Variants in NBN observed in about 807,000 individuals in gnomAD.
NBN encodes nibrin.
Under a neutral mutation model 90.8 loss-of-function variants are expected in NBN, and 88 were observed. That is an observed-to-expected ratio of 0.97 (90% confidence interval 0.82 to 1.16). NBN has a LOEUF of 1.16. Ranked by LOEUF, NBN falls within the 50% of genes most tolerant of loss-of-function variation. The pLI is 0.00. For missense variants in NBN, 894 were observed against 869.6 expected (o/e 1.03, Z -0.35); for synonymous variants, 328 against 295.1 (o/e 1.11, Z -1.14).
chr8:89,960,468 T>C lies in NBN; in HGVS notation c.995-1614A>G, dbSNP rs377562328. 2.6e-5 allele frequency among the ~76,000 whole-genome samples: 4 copies of C among 152,178 alleles called. No individual in the cohort carries two copies. In the East Asian group the frequency reaches 7.7e-4, roughly 29 times the overall value. ...AGTTAAGAGACCAACCTGGTCAACA[T>C]AGTGAGACTTCATCTCAACAAAAAA... On this transcript the variant is annotated intron_variant, in intron 8 of 15. Coordinates refer to ENST00000265433, the MANE Select transcript of NBN (RefSeq NM_002485.5).
intron 5 of NBN, 26 bp downstream of exon 5, chr8:89,978,194 T>C (rs541669441): frequency 2.6e-6 from 4 of 1,567,752 alleles, no homozygotes; most frequent in African/African-American, 2.7e-5. Flanking sequence ...AGTGACATCT[T>C]GTTATATTTA....
intron 14 of NBN, among the ~76,000 whole-genome samples, chr8:89,938,978 T>C (rs1224126146): frequency 6.6e-6 from 1 of 152,150 alleles, no homozygotes; most frequent in African/African-American, 2.4e-5. Flanking sequence ...ACATATAAAA[T>C]AGTATTAAGA....
At chr8:89,963,401 C>A (rs1019010348) in intron 8 of NBN, among the ~76,000 whole-genome samples, 2 of 152,082 alleles carry the variant, frequency 1.3e-5, no homozygotes, top group Admixed American at 1.3e-4. Flanking sequence ...GAAATAACTA[C>A]ACAACAAATC....
At position 89,934,495 on chromosome 8, in the gene NBN, A is replaced by G. The variant is rs993568115; in HGVS notation, c.*1087T>C. ...GGAAGTAAGTTAATTTGGTTCTGGCAAGTAGATGCACTTCCACAAGATTTG... is the reference window on the plus strand; with the variant it reads ...GGAAGTAAGTTAATTTGGTTCTGGCGAGTAGATGCACTTCCACAAGATTTG... On this transcript the variant is annotated 3_prime_UTR_variant, in exon 16 of 16. Coordinates refer to ENST00000265433, the MANE Select transcript of NBN (RefSeq NM_002485.5). The G allele has an allele frequency of 8.6e-6, 2 of 233,046 alleles. No homozygotes were observed. The highest frequency in any genetic ancestry group is 2.2e-5 in the African/African-American group (1 of 45,336). The allele number at this position is 233,046 out of a possible 1,614,324, so 14.4% of individuals were successfully genotyped here. A position where few individuals can be genotyped will look rare whatever the true frequency, so the allele number is the denominator to read the frequency against.
chr8:89,957,902 T>C (rs1275316459), intron 9 of NBN, among the ~76,000 whole-genome samples: 4 of 152,156 alleles, frequency 2.6e-5, no homozygotes, highest in Non-Finnish European at 4.4e-5. Flanking sequence ...AGCATATTTA[T>C]TATGTACTTT....
chr8:89,970,464 G>C lies in NBN; in HGVS notation c.796C>G (p.Pro266Ala), dbSNP rs762956906. The C allele has an allele frequency of 1.2e-6, 2 of 1,613,940 alleles. No homozygotes were observed. Among genetic ancestry groups the C allele is most frequent in the South Asian group, 2.2e-5 (2 of 91,080 alleles). ...NEEEHNFFLA[P>A]GTCVVDTGIT... ...CCTGTATCAACAACACACGTTCCCG[G>C]AGCCAAAAAGAAATTATGTTCTTCT... The change falls in exon 7 of 16, where the codon CCG (proline) becomes GCG (alanine). Residue 266 changes from proline to alanine, a missense_variant. Physicochemically the swap from Pro to Ala is conservative, Grantham distance 27. Transcript: ENST00000265433.
chr8:89,981,515 T>C lies in NBN; in HGVS notation c.180A>G (p.Thr60=). The C allele has an allele frequency of 6.2e-7, 1 of 1,612,952 alleles. No homozygotes were observed. The change falls in exon 3 of 16, where the codon ACA becomes ACG. Residue 60 remains threonine, a synonymous_variant. Transcript: ENST00000265433. ...ANFSVTNLSQ[T]DEIPVLTLKD... is the part of the protein sequence containing the mutation. ...TTAATGTCAATACAGGGATTTCATC[T>C]GTTTGACTCTGAAAAGTTAGCAAAT...
chr8:89,982,662 G>T, intron 2 of NBN, 60 bp downstream of exon 2: 1 of 1,411,396 alleles, frequency 7.1e-7, no homozygotes, highest in Non-Finnish European at 1.0e-6. Flanking sequence ...CAAACCAAGA[G>T]AATATTTTGT....
At chr8:89,957,680 T>A (rs995404194) in intron 9 of NBN, among the ~76,000 whole-genome samples, 7 of 152,172 alleles carry the variant, frequency 4.6e-5, no homozygotes, top group Admixed American at 6.6e-5. Flanking sequence ...TATACAATAT[T>A]TTTTCTGTAC....
rs1563497498 is a variant in NBN at position 89,937,010 on chromosome 8, G to T, written c.2234+16C>A. 6.3e-7 allele frequency: 1 copy of T among 1,590,252 alleles called. No individual in the cohort carries two copies. The highest frequency in any genetic ancestry group is 8.6e-7 in the Non-Finnish European group (1 of 1,159,538). ...CATCTCTCAAAGGTACATGAGAAAG[G>T]TGAATCAAACTTTACCTAAAAAGAT... On this transcript the variant is annotated intron_variant, in intron 15 of 15. Coordinates refer to ENST00000265433, the MANE Select transcript of NBN (RefSeq NM_002485.5).
In NBN at chr8:89,978,312, T is replaced by C. The variant is rs765493509; in HGVS notation, c.492A>G (p.Ala164=). 1.3e-6 allele frequency: 2 copies of C among 1,586,156 alleles called. No homozygotes were observed. Among genetic ancestry groups the C allele is most frequent in the Admixed American group, 1.7e-5 (1 of 59,974 alleles). ...TTACAATTGGACGTCCACAAATGAG[T>C]GCACATATTGTCTACAATGAAGAAA... ...SVKVTIKTIC[A]LICGRPIVKP... is the part of the protein sequence containing the mutation. Residue 164 remains alanine (A), a synonymous_variant, in exon 5 of 16, where the codon GCA becomes GCG. Coordinates refer to ENST00000265433, the MANE Select transcript of NBN (RefSeq NM_002485.5).
intron 12 of NBN, chr8:89,946,729 G>A (rs1810210004): frequency 5.9e-6 from 1 of 168,774 alleles, no homozygotes; most frequent in Non-Finnish European, 1.3e-5. Flanking sequence ...AAACTTTTGG[G>A]ATTCTCAAGA....
At chr8:89,962,214 A>G (rs1811020925) in intron 8 of NBN, among the ~76,000 whole-genome samples, 1 of 152,206 alleles carries the variant, frequency 6.6e-6, no homozygotes, top group Admixed American at 6.5e-5. Context: ...GTTCTGAATC[A>G]TGGACAATGT....
chr8:89,948,853 A>T (rs1025574359), intron 11 of NBN, among the ~76,000 whole-genome samples: 5 of 151,768 alleles, frequency 3.3e-5, no homozygotes, highest in Admixed American at 2.6e-4. Flanking sequence ...CAGAATACAA[A>T]CTCCTTTTAT....
intron 8 of NBN, among the ~76,000 whole-genome samples, chr8:89,962,370 G>A (rs1811030620): frequency 6.6e-6 from 1 of 152,144 alleles, no homozygotes; most frequent in Admixed American, 6.5e-5. Flanking sequence ...TTATATGTTT[G>A]TTGTAATTAA....
intron 15 of NBN, chr8:89,936,106 T>C: frequency 2.5e-6 from 1 of 396,876 alleles, no homozygotes; most frequent in Non-Finnish European, 4.9e-6. Context: ...TTTTTTTTTT[T>C]TGAGATGGAG....
rs1810672909 is a variant in NBN at position 89,955,523 on chromosome 8, A to C, written c.1157T>G (p.Val386Gly). 1.9e-6 allele frequency: 3 copies of C among 1,613,498 alleles called. No individual in the cohort carries two copies. Among genetic ancestry groups the C allele is most frequent in the Non-Finnish European group, 2.5e-6 (3 of 1,179,730 alleles). Reference protein sequence around the residue: ...DLSERPKEIKVSKMEQKFRML... With the variant: ...DLSERPKEIKGSKMEQKFRML... ...TCTGAATTTTTGTTCCATTTTGGAGACTTTGATTTCTTTTGGCCTTTCACT... is the reference window on the plus strand; with the variant it reads ...TCTGAATTTTTGTTCCATTTTGGAGCCTTTGATTTCTTTTGGCCTTTCACT... The change falls in exon 10 of 16, where the codon GTC becomes GGC. Residue 386 changes from valine to glycine, a missense_variant. Physicochemically the swap from Val to Gly is moderately radical, Grantham distance 109. Transcript: ENST00000265433.
rs1477953712 is a variant in NBN at position 89,946,269 on chromosome 8, A to T, written c.1941T>A (p.Ser647Arg). ...ISNNDKLQDD[S>R]EMLPKKLLLT... ...ATAACAGCTTTTTTGGAAGCATCTC[A>T]CTATCATCCTGAAGTTTGTCATTGT... The change falls in exon 13 of 16, where the codon AGT becomes AGA. Residue 647 changes from serine (S) to arginine (R), a missense_variant. Ser to Arg is a moderately radical substitution (Grantham distance 110). Coordinates refer to ENST00000265433, the MANE Select transcript of NBN (RefSeq NM_002485.5). 12 of 1,581,076 alleles carry T rather than the reference A, an allele frequency of 7.6e-6. No individual in the cohort carries two copies. The highest frequency in any genetic ancestry group is 1.0e-5 in the Non-Finnish European group (12 of 1,150,302).
At chr8:89,960,759 C>T (rs1400467190) in intron 8 of NBN, among the ~76,000 whole-genome samples, 4 of 152,128 alleles carry the variant, frequency 2.6e-5, no homozygotes, top group African/African-American at 9.7e-5. Flanking sequence ...AACTTGGTCT[C>T]ATCTATTCAC....
Sources: gnomAD v4.1 joint callset for allele counts (sites outside exome capture counted in the v4.1 genomes callset) on GRCh38, gnomAD v4.1.1 for gene constraint, MANE v1.5 for transcripts, NCBI Gene and HGNC (gene_info 2026-07-23, HGNC 2026-07-21) for gene names.